XPR1: variants seen among roughly 807,000 people sequenced by gnomAD.
XPR1 encodes the protein solute carrier family 53 member 1.
XPR1 carries 28 observed loss-of-function variants against 87.5 expected under a neutral mutation model. The ratio of observed to expected loss-of-function variants is 0.32; its 90% CI spans 0.24 to 0.44. XPR1 has a LOEUF of 0.44. Among genes scored for constraint, XPR1 ranks in the 20% least tolerant of loss-of-function variants. The pLI is 1.00. For missense variants in XPR1, 559 were observed against 862.3 expected, an observed-to-expected ratio of 0.65 and a Z score of 4.41; for synonymous variants, 300 against 306.1, an observed-to-expected ratio of 0.98 and a Z score of 0.21.
intron 2 of XPR1, among the ~76,000 whole-genome samples, chr1:180,750,344 T>C (rs1313792483): frequency 6.6e-6 from 1 of 152,134 alleles, no homozygotes; most frequent in East Asian, 1.9e-4. Context: ...ATTGAAGAAA[T>C]GGAACATGGA....
At chr1:180,812,340 A>G (rs1427995302) in intron 7 of XPR1, among the ~76,000 whole-genome samples, 2 of 152,198 alleles carry the variant, frequency 1.3e-5, no homozygotes, top group South Asian at 2.1e-4. Context: ...AATACCGTCT[A>G]TATGCTAATG....
chr1:180,646,736 C>T (rs1035062646), intron 1 of XPR1, among the ~76,000 whole-genome samples: 3 of 151,922 alleles, frequency 2.0e-5, no homozygotes, highest in South Asian at 2.1e-4. Context: ...AAACTGTGAC[C>T]GAGACAAATG....
chr1:180,753,475 GC>G (rs1274831242), intron 2 of XPR1, among the ~76,000 whole-genome samples: 1 of 152,008 alleles, frequency 6.6e-6, no homozygotes, highest in East Asian at 1.9e-4. Flanking sequence ...GATGGCTTGA[GC>G]CCAGGAGGCG....
At chr1:180,652,345 C>T (rs1035678211) in intron 1 of XPR1, among the ~76,000 whole-genome samples, 9 of 151,976 alleles carry the variant, frequency 5.9e-5, no homozygotes, top group Admixed American at 3.3e-4. Context: ...AGAGAATTTA[C>T]AGCTATTACC....
intron 2 of XPR1, among the ~76,000 whole-genome samples, chr1:180,732,441 C>CTTTATTTGAATTTATTTTAATTTTAA (rs1658588686): frequency 1.3e-5 from 2 of 151,984 alleles, no homozygotes; most frequent in Non-Finnish European, 2.9e-5. Context: ...TTAAGGTGGC[C>CTTTATTTGAATTTATTTTAATTTTAA]TTTAATTGAA....
At chr1:180,640,679 C>T (rs1443047153) in intron 1 of XPR1, among the ~76,000 whole-genome samples, 2 of 152,138 alleles carry the variant, frequency 1.3e-5, no homozygotes, top group African/African-American at 2.4e-5. Flanking sequence ...GTGTTCACCT[C>T]TGTTAAATTA....
intron 1 of XPR1, among the ~76,000 whole-genome samples, chr1:180,639,154 G>T (rs1167632695): frequency 1.3e-5 from 2 of 152,038 alleles, no homozygotes; most frequent in Non-Finnish European, 2.9e-5. Context: ...AAAATTAGCT[G>T]GGTGTGGTGG....
rs1463461015 is a variant in XPR1 at position 180,875,529 on chromosome 1, T to A, written c.1808+1587T>A. Among the ~76,000 whole-genome samples the A allele has an allele frequency of 5.1e-4, 71 of 139,954 alleles. No individual in the cohort carries two copies. The South Asian group carries it at 6.4e-3, about 13-fold the overall frequency. The allele number at this position is 139,954 out of a possible 152,430, so 91.8% of individuals were successfully genotyped here. A position where few individuals can be genotyped will look rare whatever the true frequency, so the allele number is the denominator to read the frequency against. ...GTCTCAAAAAAAAAAAAAAAAAAAA[T>A]TTTTTTTTGAACAGAATGTAATTGA... On this transcript the variant is annotated intron_variant, in intron 13 of 14. Coordinates refer to ENST00000367590, the MANE Select transcript of XPR1 (RefSeq NM_004736.4).
At position 180,834,987 on chromosome 1, in the gene XPR1, C is replaced by G. The variant is rs1651228094; in HGVS notation, c.1248C>G (p.Phe416Leu). 6.2e-6 allele frequency: 10 copies of G among 1,613,868 alleles called. No homozygotes were observed. The highest frequency in any genetic ancestry group is 8.5e-6 in the Non-Finnish European group (10 of 1,179,994). The change falls in exon 10 of 15, where the codon TTC becomes TTG. Residue 416 changes from phenylalanine (F) to leucine (L), a missense_variant. Phe to Leu is a conservative substitution (Grantham distance 22). This residue lies in a region of XPR1 where 264 missense variants were observed against 377.2 expected (regional missense o/e 0.70). Coordinates refer to ENST00000367590, the MANE Select transcript of XPR1 (RefSeq NM_004736.4). ...TGGACCTGGAATATATGATCTGCTT[C>G]TACAGTTTGGAGCTCAAATGGGATG... ...ILMDLEYMIC[F>L]YSLELKWDES...
In XPR1 at chr1:180,847,083, T is replaced by C. The variant is rs547339205; in HGVS notation, c.1501+10367T>C. On this transcript the variant is annotated intron_variant, in intron 11 of 14. Transcript: ENST00000367590. The stretch of plus-strand genomic sequence containing the variant: ...TATTTTATCCTTACCAGGAATCTTC[T>C]CAAACGAAGTAAATATCTCCCAAAG... Among the ~76,000 whole-genome samples, 130 of 152,278 alleles carry C rather than the reference T, an allele frequency of 8.5e-4. 1 individual carries two copies. In the South Asian group the frequency reaches 0.01, roughly 12 times the overall value.
intron 2 of XPR1, among the ~76,000 whole-genome samples, chr1:180,766,575 A>G (rs1482121742): frequency 6.6e-6 from 1 of 152,178 alleles, no homozygotes; most frequent in African/African-American, 2.4e-5. Context: ...TAAGTGAGTT[A>G]TTGTAAAGTA....
intron 11 of XPR1, among the ~76,000 whole-genome samples, chr1:180,844,768 G>A (rs528129253): frequency 1.5e-3 from 222 of 152,252 alleles, no homozygotes; most frequent in Non-Finnish European, 2.6e-3. Context: ...TCATTCTGGC[G>A]CTTCAATTGA....
At chr1:180,760,920 A>G (rs1206437049) in intron 2 of XPR1, among the ~76,000 whole-genome samples, 2 of 152,180 alleles carry the variant, frequency 1.3e-5, no homozygotes, top group Non-Finnish European at 2.9e-5. Flanking sequence ...AAACAGAGAT[A>G]TAGATCAATG....
intron 2 of XPR1, among the ~76,000 whole-genome samples, chr1:180,749,309 G>T (rs1647421706): frequency 6.6e-6 from 1 of 152,176 alleles, no homozygotes; most frequent in Non-Finnish European, 1.5e-5. Flanking sequence ...ACAAAACATT[G>T]AGGACATGTT....
chr1:180,828,917 C>T (rs1317540175), intron 9 of XPR1, among the ~76,000 whole-genome samples: 1 of 152,046 alleles, frequency 6.6e-6, no homozygotes, highest in East Asian at 1.9e-4. Context: ...AAATTTGAGG[C>T]CAGGCACAGT....
intron 11 of XPR1, among the ~76,000 whole-genome samples, chr1:180,861,252 T>C (rs1374755380): frequency 6.6e-6 from 1 of 151,882 alleles, no homozygotes; most frequent in East Asian, 1.9e-4. Flanking sequence ...ATTCAGTTTT[T>C]TTAAGTGTTG....
intron 2 of XPR1, among the ~76,000 whole-genome samples, chr1:180,755,127 G>A (rs755767564): frequency 6.6e-6 from 1 of 152,128 alleles, no homozygotes; most frequent in Non-Finnish European, 1.5e-5. Context: ...TAATCTCTTG[G>A]TTTTCAACAT....
chr1:180,773,565 C>T (rs917054847), intron 2 of XPR1, among the ~76,000 whole-genome samples: 1 of 152,046 alleles, frequency 6.6e-6, no homozygotes, highest in Non-Finnish European at 1.5e-5. Flanking sequence ...TGTACTCATA[C>T]TTATTTGTAT....
chr1:180,828,229 G>T (rs1650929357), intron 9 of XPR1, among the ~76,000 whole-genome samples: 1 of 151,952 alleles, frequency 6.6e-6, no homozygotes, highest in Non-Finnish European at 1.5e-5. Context: ...TAGGCACTGG[G>T]TGCCATTTAT....
Sources: allele counts gnomAD v4.1 joint callset (sites outside exome capture counted in the v4.1 genomes callset), GRCh38; gene constraint gnomAD v4.1.1; regional missense constraint gnomAD v4.1.1; transcripts MANE v1.5; gene names NCBI Gene and HGNC (gene_info 2026-07-23, HGNC 2026-07-21).